Variants in VWA8 observed in about 807,000 individuals in gnomAD.
VWA8 encodes von Willebrand factor A domain-containing protein 8.
A neutral mutation model predicts 241.5 loss-of-function variants in VWA8; 221 were observed. The ratio of observed to expected loss-of-function variants is 0.91; its 90% CI spans 0.82 to 1.02. VWA8 has a LOEUF of 1.02. Among genes scored for constraint, VWA8 ranks in the 50% least tolerant of loss-of-function variants. The pLI is 0.00. For missense variants in VWA8, 2,322 were observed against 2,328.7 expected (o/e 1.00, Z 0.06); for synonymous variants, 852 against 827.1 (o/e 1.03, Z -0.52).
Position 41,947,949 on chromosome 13 carries a change from A to C in VWA8, c.241+1987T>G, listed in dbSNP as rs937594401. On this transcript the variant is annotated intron_variant, in intron 2 of 44. Coordinates refer to ENST00000379310, the MANE Select transcript of VWA8 (RefSeq NM_015058.2). The stretch of plus-strand genomic sequence containing the variant: ...CCTGTCTCAAAAAAAAAAAAAAAAA[A>C]AAAACAAAACAAAACATTTTGGTAA... Among the ~76,000 whole-genome samples the C allele has an allele frequency of 4.0e-4, 60 of 149,116 alleles. 1 individual carries two copies. Among genetic ancestry groups the C allele is most frequent in the African/African-American group, 7.6e-4 (31 of 40,572 alleles).
intron 4 of VWA8, among the ~76,000 whole-genome samples, chr13:41,901,917 CACACATATATATTTGCAT>C: frequency 9.3e-6 from 1 of 107,286 alleles, no homozygotes; most frequent in Non-Finnish European, 1.9e-5. Context: ...TATATATACA[CACACATATATATTTGCAT>C]ACATATATAT....
chr13:41,881,372 CGGG>C (rs756711531), intron 9 of VWA8, among the ~76,000 whole-genome samples: 495 of 8,280 alleles, frequency 0.06, 32 homozygotes, highest in Admixed American at 0.12. Context: ...TTTTTTTTGC[CGGG>C]GGGGGGGGGG....
At chr13:41,882,081 C>T (rs1023835092) in intron 9 of VWA8, among the ~76,000 whole-genome samples, 1 of 149,206 alleles carries the variant, frequency 6.7e-6, no homozygotes, top group African/African-American at 2.5e-5. Flanking sequence ...CTCCTCACTT[C>T]TCAGACGGGG....
rs1870838727 is a variant in VWA8 at position 41,819,236 on chromosome 13, G to T, written c.1851C>A (p.Ile617=). The T allele has an allele frequency of 1.9e-6, 3 of 1,602,484 alleles. No individual in the cohort carries two copies. The Admixed American group carries it at 5.3e-5, about 28-fold the overall frequency. ...YMKPLVKSEE[I]QVIKEKVPNV... Reference sequence around the variant, plus strand: ...TTCTTACCTTTTCCTTAATCACTTGGATTTCTTCACTTTTCACAAGTGGTT... The same window carrying T: ...TTCTTACCTTTTCCTTAATCACTTGTATTTCTTCACTTTTCACAAGTGGTT... Residue 617 remains isoleucine, a synonymous_variant, in exon 15 of 45, where the codon ATC becomes ATA. Coordinates refer to ENST00000379310, the MANE Select transcript of VWA8 (RefSeq NM_015058.2).
chr13:41,721,388 G>C lies in VWA8; in HGVS notation c.2946C>G (p.Asn982Lys), dbSNP rs751850062. The C allele has an allele frequency of 1.9e-6, 3 of 1,613,570 alleles. No individual in the cohort carries two copies. The highest frequency in any genetic ancestry group is 2.5e-6 in the Non-Finnish European group (3 of 1,179,758). The stretch of plus-strand genomic sequence containing the variant: ...TACCTACCTGTAAATGTTTGACTAT[G>C]TTGACAACTTCTCTGGTAGAATAAG... ...NYPYSTREVVNIVKHLQKFPT... is the reference protein window; with the variant it reads ...NYPYSTREVVKIVKHLQKFPT... The change falls in exon 25 of 45, where the codon AAC becomes AAG. Residue 982 changes from asparagine to lysine, a missense_variant. Asn to Lys is a moderately conservative substitution (Grantham distance 94, BLOSUM62 0). Transcript: ENST00000379310.
chr13:41,685,012 C>T, intron 35 of VWA8, 35 bp downstream of exon 35: 2 of 1,582,478 alleles, frequency 1.3e-6, no homozygotes, highest in Non-Finnish European at 1.7e-6. Context: ...TTTAAACCAC[C>T]TTTGTAAATT....
intron 35 of VWA8, among the ~76,000 whole-genome samples, chr13:41,677,167 T>C (rs1325525120): frequency 6.6e-6 from 1 of 152,102 alleles, no homozygotes; most frequent in Non-Finnish European, 1.5e-5. Flanking sequence ...GCTCTCAGGA[T>C]CCTGGATAGT....
At chr13:41,654,021 C>A (rs529617762) in intron 37 of VWA8, among the ~76,000 whole-genome samples, 5 of 152,224 alleles carry the variant, frequency 3.3e-5, no homozygotes, top group Middle Eastern at 3.4e-3. Context: ...ACTAGGTCCC[C>A]AAAAGCAATT....
In VWA8 at chr13:41,868,409, C is replaced by T. The variant is rs144180077; in HGVS notation, c.1149G>A (p.Met383Ile). Residue 383 changes from methionine (M) to isoleucine (I), a missense_variant, in exon 10 of 45, where the codon ATG (methionine) becomes ATA (isoleucine). Coordinates refer to ENST00000379310, the MANE Select transcript of VWA8 (RefSeq NM_015058.2). ...PKEIVKVEKM[M>I]ENHVSQASVT... Reference sequence around the variant, plus strand: ...CAGAAGCTTGGGACACATGGTTTTCCATCATCTTCTCTACTTTTACAATCT... The same window carrying T: ...CAGAAGCTTGGGACACATGGTTTTCTATCATCTTCTCTACTTTTACAATCT... 108 of 1,613,912 alleles carry T rather than the reference C, an allele frequency of 6.7e-5. No individual in the cohort carries two copies. Among genetic ancestry groups the T allele is most frequent in the Non-Finnish European group, 8.6e-5 (102 of 1,179,990 alleles).
chr13:41,739,111 G>A (rs1272319362), intron 21 of VWA8, among the ~76,000 whole-genome samples: 3 of 152,134 alleles, frequency 2.0e-5, no homozygotes, highest in African/African-American at 7.2e-5. Context: ...GATTGGAGGA[G>A]TATCTGTGAA....
chr13:41,683,907 T>C (rs1239844279), intron 35 of VWA8, among the ~76,000 whole-genome samples: 1 of 152,176 alleles, frequency 6.6e-6, no homozygotes, highest in Non-Finnish European at 1.5e-5. Context: ...CACTAAACTC[T>C]GGTACATAAC....
chr13:41,788,041 T>A (rs1031566162), intron 17 of VWA8, among the ~76,000 whole-genome samples: 2 of 152,194 alleles, frequency 1.3e-5, no homozygotes, highest in Middle Eastern at 6.3e-3. Flanking sequence ...TATCTGCTTA[T>A]CTATTCTATG....
At chr13:41,800,240 T>C (rs1266385734) in intron 17 of VWA8, among the ~76,000 whole-genome samples, 1 of 152,238 alleles carries the variant, frequency 6.6e-6, no homozygotes, top group Non-Finnish European at 1.5e-5. Context: ...AACATTCATG[T>C]AGAAGTTTTT....
At chr13:41,601,038 C>T (rs1232964327) in intron 40 of VWA8, among the ~76,000 whole-genome samples, 1 of 152,160 alleles carries the variant, frequency 6.6e-6, no homozygotes, top group African/African-American at 2.4e-5. Flanking sequence ...TCAGCTCATG[C>T]CTGAGACCAC....
chr13:41,843,518 G>A (rs1056971781), intron 12 of VWA8, among the ~76,000 whole-genome samples: 1 of 152,094 alleles, frequency 6.6e-6, no homozygotes, highest in African/African-American at 2.4e-5. Context: ...GAATAAAACT[G>A]AGACTGAAAA....
At chr13:41,934,605 TAG>T (rs1374685905) in intron 2 of VWA8, among the ~76,000 whole-genome samples, 3 of 151,924 alleles carry the variant, frequency 2.0e-5, no homozygotes, top group African/African-American at 7.2e-5. Flanking sequence ...GAATACCACT[TAG>T]AAAGAAAAAA....
At position 41,692,757 on chromosome 13, in the gene VWA8, T is replaced by C. The variant is rs550900493; in HGVS notation, c.3675+105A>G. 24 of 778,638 alleles carry C rather than the reference T, an allele frequency of 3.1e-5. No homozygotes were observed. The African/African-American group carries it at 3.9e-4, about 13-fold the overall frequency. The allele number at this position is 778,638 out of a possible 1,614,324, so 48.2% of individuals were successfully genotyped here. ...GCATAACAGGAAATTCTCTTGTGCA[T>C]TACAACAAAAAAGGCACTTAAAGGG... On this transcript the variant is annotated intron_variant, in intron 30 of 44. Coordinates refer to ENST00000379310, the MANE Select transcript of VWA8 (RefSeq NM_015058.2).
intron 40 of VWA8, among the ~76,000 whole-genome samples, chr13:41,591,867 G>A: frequency 6.9e-6 from 1 of 144,126 alleles, no homozygotes; most frequent in South Asian, 2.4e-4. Flanking sequence ...CACTGTTGGT[G>A]GGACTGTAAA....
In VWA8 at chr13:41,690,252, G is replaced by T. The variant is rs757160807; in HGVS notation, c.3890C>A (p.Ala1297Glu). The T allele has an allele frequency of 1.9e-6, 3 of 1,610,912 alleles. No individual in the cohort carries two copies. Among genetic ancestry groups the T allele is most frequent in the South Asian group, 1.1e-5 (1 of 90,476 alleles). The change falls in exon 33 of 45, where the codon GCA becomes GAA. Residue 1297 changes from alanine (A) to glutamate (E), a missense_variant. Physicochemically the swap from Ala to Glu is moderately radical, Grantham distance 107. Coordinates refer to ENST00000379310, the MANE Select transcript of VWA8 (RefSeq NM_015058.2). ...TNQKYLLTKP[A>E]HIESEGSGVC... The stretch of plus-strand genomic sequence containing the variant: ...CCCACTACCCTCAGATTCGATGTGT[G>T]CAGGCTTAGTTAAAAGATATTTCCT...
Sources: gnomAD v4.1 joint callset for allele counts (sites outside exome capture counted in the v4.1 genomes callset) on GRCh38, gnomAD v4.1.1 for gene constraint, MANE v1.5 for transcripts, NCBI Gene and HGNC (gene_info 2026-07-23, HGNC 2026-07-21) for gene names.